DST: variants seen among roughly 807,000 people sequenced by gnomAD.
The protein encoded by DST is dystonin, also known as bullous pemphigoid antigen.
Under a neutral mutation model 875.2 loss-of-function variants are expected in DST, and 253 were observed. The observed-to-expected ratio is 0.29, with a 90% CI of 0.26 to 0.32. DST has a LOEUF of 0.32. Among genes scored for constraint, DST ranks in the 10% least tolerant of loss-of-function variants. DST has a pLI of 1.00. For synonymous variants in DST, 3,124 were observed against 3,197.1 expected, an observed-to-expected ratio of 0.98 and a Z score of 0.77; for missense variants, 8,287 against 9,111.6, an observed-to-expected ratio of 0.91 and a Z score of 3.68.
chr6:56,557,241 A>T, intron 59 of DST, 78 bp downstream of exon 59: 1 of 1,355,340 alleles, frequency 7.4e-7, no homozygotes, highest in Non-Finnish European at 1.0e-6. Context: ...ACCAAAGTTA[A>T]TATATTTATA....
At chr6:56,816,770 G>A (rs186530616) in intron 4 of DST, among the ~76,000 whole-genome samples, 62 of 151,526 alleles carry the variant, frequency 4.1e-4, no homozygotes, top group African/African-American at 1.0e-3. Context: ...TCCTATGTTC[G>A]TAAATATATT....
rs763438063 is a variant in DST at position 56,608,516 on chromosome 6, T to A, written c.6112A>T (p.Asn2038Tyr). The change falls in exon 40 of 104, where the codon AAC (asparagine) becomes TAC (tyrosine). Residue 2038 changes from asparagine to tyrosine, a missense_variant. Asn to Tyr is a moderately radical substitution (Grantham distance 143). This residue lies in a region of DST where 3,138 missense variants were observed against 3,116.6 expected (regional missense o/e 1.01). Coordinates refer to ENST00000680361, the MANE Select transcript of DST (RefSeq NM_001374736.1). ...TCTACAGTTAAACGCTTGGCAGGGT[T>A]TGACTGGATGATTCCACCAGTTTGA... ...QVQTGGIIQSNPAKRLTVDEA... is the reference protein window; with the variant it reads ...QVQTGGIIQSYPAKRLTVDEA... The A allele has an allele frequency of 1.2e-6, 2 of 1,613,590 alleles. No individual in the cohort carries two copies.
chr6:56,897,396 AT>A (rs558558389), intron 3 of DST, among the ~76,000 whole-genome samples: 32 of 151,924 alleles, frequency 2.1e-4, no homozygotes, highest in African/African-American at 7.5e-4. Flanking sequence ...CAATGGCACG[AT>A]CTTGGCTCCC....
intron 72 of DST, among the ~76,000 whole-genome samples, chr6:56,514,639 G>A (rs2096555496): frequency 7.2e-6 from 1 of 139,708 alleles, no homozygotes; most frequent in African/African-American, 2.7e-5. Flanking sequence ...ACACACACAT[G>A]CACACCATGA....
At chr6:56,683,937 G>A (rs1024052218) in intron 9 of DST, among the ~76,000 whole-genome samples, 8 of 152,110 alleles carry the variant, frequency 5.3e-5, no homozygotes, top group Admixed American at 2.0e-4. Context: ...ACTTTACATC[G>A]TATATAGCTT....
intron 69 of DST, 37 bp from the exon 70 acceptor site, chr6:56,517,657 C>A: frequency 1.3e-6 from 2 of 1,583,110 alleles, no homozygotes; most frequent in East Asian, 2.3e-5. Context: ...AGCACGTTCC[C>A]GTTCCTGATG....
intron 4 of DST, among the ~76,000 whole-genome samples, chr6:56,756,051 C>T (rs1233780902): frequency 6.6e-6 from 1 of 152,170 alleles, no homozygotes; most frequent in Non-Finnish European, 1.5e-5. Context: ...AGAAAGACGA[C>T]GGAGTCAAGA....
At position 56,500,394 on chromosome 6, in the gene DST, T is replaced by C. The variant is rs76721484; in HGVS notation, c.19896+686A>G. ...AGAAGTGTCACAAAGGTGACAACAA[T>C]ATAAGATTGCTTTGCATATATCTCT... is the stretch of plus-strand genomic sequence containing the variant. On this transcript the variant is annotated intron_variant, in intron 80 of 103. Transcript: ENST00000680361. Among the ~76,000 whole-genome samples the C allele has an allele frequency of 9.6e-3, 1,455 of 152,254 alleles. 31 individuals carry two copies. The highest frequency in any genetic ancestry group is 0.034 in the African/African-American group (1,404 of 41,566).
chr6:56,732,546 A>G (rs1192393811), intron 5 of DST, among the ~76,000 whole-genome samples: 1 of 152,202 alleles, frequency 6.6e-6, no homozygotes, highest in Non-Finnish European at 1.5e-5. Context: ...AAAAATCCTC[A>G]CCAAATATTT....
Position 56,603,260 on chromosome 6 carries a change from C to T in DST, c.11102G>A (p.Ser3701Asn). Reference sequence around the variant, plus strand: ...TTTCGTTCTTTCTGAAGACACGTTGCTGAGGGAAGAGAAGGCGGTCTTCAA... The same window carrying T: ...TTTCGTTCTTTCTGAAGACACGTTGTTGAGGGAAGAGAAGGCGGTCTTCAA... ...QSLKTAFSSL[S>N]NVSSERTKQI... The change falls in exon 42 of 104, where the codon AGC (serine) becomes AAC (asparagine). Residue 3701 changes from serine (S) to asparagine (N), a missense_variant. By Grantham distance (46) the Ser-to-Asn change is conservative. This residue lies in a region of DST where 3,138 missense variants were observed against 3,116.6 expected (regional missense o/e 1.01). Transcript: ENST00000680361. 2 of 1,609,046 alleles carry T rather than the reference C, an allele frequency of 1.2e-6. No homozygotes were observed. The highest frequency in any genetic ancestry group is 1.7e-6 in the Non-Finnish European group (2 of 1,177,978).
At chr6:56,617,916 G>C in intron 36 of DST, 1 of 1,364,620 alleles carries the variant, frequency 7.3e-7, no homozygotes, top group South Asian at 1.2e-5. Flanking sequence ...ATTTAGTCTA[G>C]GAGAGAAAGG....
chr6:56,604,518 A>G lies in DST; in HGVS notation c.10110T>C (p.Pro3370=), dbSNP rs993536640. ...AGGCTGAAGGTTCTTCAACCTCTTGAGGGTTCATATGACCTTCTTTCAACC... is the reference window on the plus strand; with the variant it reads ...AGGCTGAAGGTTCTTCAACCTCTTGGGGGTTCATATGACCTTCTTTCAACC... ...KSRLKEGHMN[P]QEVEEPSACA... is the part of the protein sequence containing the mutation. Residue 3370 remains proline (P), a synonymous_variant, in exon 40 of 104, where the codon CCT becomes CCC. Coordinates refer to ENST00000680361, the MANE Select transcript of DST (RefSeq NM_001374736.1). The G allele has an allele frequency of 6.2e-7, 1 of 1,612,612 alleles. No individual in the cohort carries two copies. Among genetic ancestry groups the G allele is most frequent in the Non-Finnish European group, 8.5e-7 (1 of 1,179,134 alleles).
intron 9 of DST, among the ~76,000 whole-genome samples, chr6:56,699,434 T>G (rs749878649): frequency 6.6e-6 from 1 of 152,242 alleles, no homozygotes; most frequent in Non-Finnish European, 1.5e-5. Flanking sequence ...ATAACAGACA[T>G]TGTCTTTAAA....
intron 49 of DST, among the ~76,000 whole-genome samples, chr6:56,579,599 G>A (rs2097927863): frequency 6.6e-6 from 1 of 152,148 alleles, no homozygotes; most frequent in Non-Finnish European, 1.5e-5. Context: ...CCACCTCAAT[G>A]GTAATGACAC....
intron 3 of DST, among the ~76,000 whole-genome samples, chr6:56,866,640 G>A (rs1774262852): frequency 6.6e-6 from 1 of 152,242 alleles, no homozygotes. Context: ...ATTACTCTAT[G>A]CCCCTTATCC....
rs149541494 is a variant in DST at position 56,687,546 on chromosome 6, C to T, written c.1047+12107G>A. On this transcript the variant is annotated intron_variant, in intron 9 of 103. Transcript: ENST00000680361. The stretch of plus-strand genomic sequence containing the variant: ...AGAGGTACACACACATGGCTGAGAA[C>T]GGTGCCTGCCCCACAGTGAATGGAG... Among the ~76,000 whole-genome samples, 313 of 152,170 alleles carry T rather than the reference C, an allele frequency of 2.1e-3. 8 individuals carry two copies. Among genetic ancestry groups the T allele is most frequent in the Non-Finnish European group, 7.5e-4 (51 of 67,992 alleles).
At chr6:56,953,642 A>G in intron 2 of DST, 143 bp downstream of exon 2, 3 of 528,590 alleles carry the variant, frequency 5.7e-6, no homozygotes, top group Non-Finnish European at 9.2e-6. Flanking sequence ...AAATCACTTA[A>G]AAGGAAACAT....
intron 4 of DST, among the ~76,000 whole-genome samples, chr6:56,812,682 A>G (rs931740557): frequency 1.3e-5 from 2 of 152,238 alleles, no homozygotes; most frequent in Non-Finnish European, 2.9e-5. Flanking sequence ...TTGAATATCA[A>G]ACCTCACAAT....
intron 103 of DST, 76 bp from the exon 104 acceptor site, chr6:56,459,343 C>T: frequency 6.9e-7 from 1 of 1,448,660 alleles, no homozygotes. Context: ...CCCGATGCCA[C>T]CTTTAATCTT....
Sources: allele counts gnomAD v4.1 joint callset (sites outside exome capture counted in the v4.1 genomes callset), GRCh38; gene constraint gnomAD v4.1.1; regional missense constraint gnomAD v4.1.1; transcripts MANE v1.5; gene names NCBI Gene and HGNC (gene_info 2026-07-23, HGNC 2026-07-21).